The following CNIH3 variants were observed in gnomAD, a reference collection of about 807,000 sequenced individuals.
CNIH3 encodes cornichon family AMPA receptor auxiliary protein 3.
CNIH3 carries 14 observed loss-of-function variants against 24.1 expected under a neutral mutation model. That is an observed-to-expected ratio of 0.58 (90% confidence interval 0.38 to 0.91). CNIH3 has a LOEUF of 0.91. CNIH3 is among the 40% of genes least tolerant of loss of function. The pLI is 0.00. For synonymous variants in CNIH3, 68 were observed against 73.8 expected, an observed-to-expected ratio of 0.92 and a Z score of 0.40; for missense variants, 178 against 196.8, an observed-to-expected ratio of 0.90 and a Z score of 0.57.
intron 3 of CNIH3, among the ~76,000 whole-genome samples, chr1:224,597,021 G>A (rs1265274085): frequency 6.6e-6 from 1 of 152,026 alleles, no homozygotes; most frequent in Non-Finnish European, 1.5e-5. Context: ...GCGTGGTGGT[G>A]CATGCCTGTA....
At chr1:224,711,349 T>C (rs1183361864) in intron 3 of CNIH3, among the ~76,000 whole-genome samples, 2 of 151,894 alleles carry the variant, frequency 1.3e-5, no homozygotes, top group Non-Finnish European at 2.9e-5. Flanking sequence ...AGACAGGGTT[T>C]TTGTTCTGTC....
chr1:224,499,532 A>G (rs1329326028), intron 1 of CNIH3, among the ~76,000 whole-genome samples: 1 of 152,204 alleles, frequency 6.6e-6, no homozygotes, highest in Non-Finnish European at 1.5e-5. Context: ...AACAGATTTG[A>G]TGTGCCACCT....
intron 2 of CNIH3, among the ~76,000 whole-genome samples, chr1:224,528,049 G>T (rs1258016148): frequency 6.6e-6 from 1 of 152,042 alleles, no homozygotes; most frequent in South Asian, 2.1e-4. Context: ...ATTGCTTGAG[G>T]CCAGGAGTTC....
In CNIH3 at chr1:224,684,990, G is replaced by A. The variant is rs1028008908; in HGVS notation, c.198+147G>A. The A allele has an allele frequency of 2.6e-6, 2 of 774,434 alleles. No individual in the cohort carries two copies. Among genetic ancestry groups the A allele is most frequent in the Admixed American group, 3.8e-5 (2 of 52,670 alleles). The allele number at this position is 774,434 out of a possible 1,614,324, so 48.0% of individuals were successfully genotyped here. On this transcript the variant is annotated intron_variant, in intron 3 of 5. Coordinates refer to ENST00000272133, the MANE Select transcript of CNIH3 (RefSeq NM_152495.2). This position sits in a 1 kb window ranked among gnomAD's most constrained non-coding sequence, Gnocchi z 4.2. ...CAGGGAAAGGGGGAGGTGGGAGCAAGTGATCAGTTCTTTGGAAACCTCCAG... is the reference window on the plus strand; with the variant it reads ...CAGGGAAAGGGGGAGGTGGGAGCAAATGATCAGTTCTTTGGAAACCTCCAG...
At chr1:224,550,637 T>G (rs1418690287) in intron 3 of CNIH3, among the ~76,000 whole-genome samples, 1 of 152,216 alleles carries the variant, frequency 6.6e-6, no homozygotes, top group African/African-American at 2.4e-5. Flanking sequence ...CAAAGTGATA[T>G]TTCATAAATA....
At chr1:224,500,949 C>A (rs1558111176) in intron 1 of CNIH3, among the ~76,000 whole-genome samples, 1 of 152,186 alleles carries the variant, frequency 6.6e-6, no homozygotes, top group Non-Finnish European at 1.5e-5. Flanking sequence ...ACACACCCTG[C>A]ACCATCACAT....
chr1:224,529,060 G>A (rs2794804), intron 2 of CNIH3: 37,485 of 152,184 alleles, frequency 0.25, 5,400 homozygotes, highest in African/African-American at 0.38. Context: ...AGGGCGAGTC[G>A]GCTGGGGCAG....
rs114086557 is a variant in CNIH3, at chr1:224,544,671, G to A, written n.340-2158G>A. ...CACCATGTCACCAGAGCCCATGACCGCTGTGCTGCTGAGGCTGCTGCTGAT... is the reference window on the plus strand; with the variant it reads ...CACCATGTCACCAGAGCCCATGACCACTGTGCTGCTGAGGCTGCTGCTGAT... On this transcript the variant is annotated intron_variant and non_coding_transcript_variant, in intron 2 of 5. Coordinates refer to the CNIH3 transcript ENST00000471578. Among the ~76,000 whole-genome samples, 1,147 of 152,256 alleles carry A rather than the reference G, an allele frequency of 7.5e-3. 5 individuals carry two copies. Among genetic ancestry groups the A allele is most frequent in the Non-Finnish European group, 0.013 (883 of 68,014 alleles).
intron 3 of CNIH3, among the ~76,000 whole-genome samples, chr1:224,686,083 T>A (rs751967426): frequency 2.0e-5 from 3 of 151,798 alleles, no homozygotes; most frequent in Non-Finnish European, 4.4e-5. Context: ...TGTATACATG[T>A]GCCATGTTGG....
In CNIH3 at chr1:224,450,412, G is replaced by T. The variant is rs1572263318; in HGVS notation, n.203+15550G>T. Among the ~76,000 whole-genome samples the T allele has an allele frequency of 2.6e-5, 4 of 152,286 alleles. 1 individual carries two copies. Among genetic ancestry groups the T allele is most frequent in the Middle Eastern group, 6.8e-3 (2 of 294 alleles). On this transcript the variant is annotated intron_variant and non_coding_transcript_variant, in intron 1 of 5. Transcript: ENST00000471578. ...GAAGACCCTGTCTACTGAATGGCCA[G>T]GGAGGGCCTCTCTCAGGGGTACCCT...
intron 1 of CNIH3, among the ~76,000 whole-genome samples, chr1:224,501,247 T>C (rs371649886): frequency 3.4e-4 from 52 of 152,296 alleles, no homozygotes; most frequent in Middle Eastern, 3.4e-3. Flanking sequence ...ACTTTGTTCA[T>C]TGTAGGGGTT....
At chr1:224,620,825 C>G (rs1683244653) in intron 1 of CNIH3, among the ~76,000 whole-genome samples, 1 of 151,910 alleles carries the variant, frequency 6.6e-6, no homozygotes, top group Non-Finnish European at 1.5e-5. Context: ...CATAGTGAGA[C>G]CCCATTTCTA....
chr1:224,488,256 T>G (rs2124839022), intron 1 of CNIH3, among the ~76,000 whole-genome samples: 1 of 152,252 alleles, frequency 6.6e-6, no homozygotes, highest in East Asian at 1.9e-4. Context: ...CCATTCTATT[T>G]CACTCCTTTT....
At chr1:224,644,249 C>T (rs1684493173) in intron 1 of CNIH3, among the ~76,000 whole-genome samples, 2 of 152,202 alleles carry the variant, frequency 1.3e-5, no homozygotes, top group Admixed American at 1.3e-4. Flanking sequence ...CTCACTCTGT[C>T]TTCCAGGCTG....
At chr1:224,556,435 G>A (rs1680144004) in intron 3 of CNIH3, among the ~76,000 whole-genome samples, 1 of 152,118 alleles carries the variant, frequency 6.6e-6, no homozygotes, top group Non-Finnish European at 1.5e-5. Context: ...TTTGGAGCTG[G>A]CAGCTGTTTA....
intron 3 of CNIH3, among the ~76,000 whole-genome samples, chr1:224,702,462 A>G (rs1488245153): frequency 6.6e-6 from 1 of 152,186 alleles, no homozygotes; most frequent in African/African-American, 2.4e-5. Context: ...CCAGCAGTAT[A>G]AGAGAGTGTC....
At chr1:224,530,102 G>C (rs969791965) in intron 2 of CNIH3, among the ~76,000 whole-genome samples, 1 of 152,208 alleles carries the variant, frequency 6.6e-6, no homozygotes, top group Non-Finnish European at 1.5e-5. Flanking sequence ...GCACTTCTGG[G>C]AAGTCTGGAA....
intron 3 of CNIH3, among the ~76,000 whole-genome samples, chr1:224,728,843 C>T (rs767698350): frequency 6.6e-6 from 1 of 152,218 alleles, no homozygotes; most frequent in Non-Finnish European, 1.5e-5. Flanking sequence ...ATGCACTTTA[C>T]CACGTATTTG....
intron 1 of CNIH3, among the ~76,000 whole-genome samples, chr1:224,468,056 A>T (rs1445775149): frequency 6.6e-6 from 1 of 151,900 alleles, no homozygotes. Context: ...CTACATATTT[A>T]TTCTTCCACC....
Sources: allele counts gnomAD v4.1 joint callset (sites outside exome capture counted in the v4.1 genomes callset), GRCh38; gene constraint gnomAD v4.1.1; non-coding constraint Gnocchi (gnomAD v3.1); transcripts MANE v1.5; gene names NCBI Gene and HGNC (gene_info 2026-07-23, HGNC 2026-07-21).